ERBB4: variants seen among roughly 807,000 people sequenced by gnomAD.
ERBB4 encodes receptor tyrosine-protein kinase erbB-4.
A neutral mutation model predicts 158.0 loss-of-function variants in ERBB4; 42 were observed. The ratio of observed to expected loss-of-function variants is 0.27; its 90% CI spans 0.21 to 0.34. ERBB4 has a LOEUF of 0.34. ERBB4 is among the 10% of genes least tolerant of loss of function. ERBB4 has a pLI of 1.00. For missense variants in ERBB4, 1,333 were observed against 1,624.1 expected (o/e 0.82, Z 3.08); for synonymous variants, 583 against 558.7 (o/e 1.04, Z -0.61).
At chr2:212,110,958 C>T (rs1411861055) in intron 2 of ERBB4, among the ~76,000 whole-genome samples, 3 of 152,158 alleles carry the variant, frequency 2.0e-5, no homozygotes, top group Non-Finnish European at 4.4e-5. Context: ...TCTGGCCACC[C>T]GCCTACCTGA....
intron 1 of ERBB4, among the ~76,000 whole-genome samples, chr2:212,479,592 ATG>A (rs1358008486): frequency 6.6e-6 from 1 of 152,144 alleles, no homozygotes; most frequent in African/African-American, 2.4e-5. Context: ...CCCTACTTTA[ATG>A]ATTAAAATTT....
At chr2:212,147,814 C>A (rs901829449) in intron 1 of ERBB4, among the ~76,000 whole-genome samples, 1 of 152,160 alleles carries the variant, frequency 6.6e-6, no homozygotes, top group Non-Finnish European at 1.5e-5. Context: ...CGTGAAGAAA[C>A]TGGCTTTCTA....
At chr2:212,006,593 AATT>A (rs147289378) in intron 2 of ERBB4, among the ~76,000 whole-genome samples, 1,669 of 152,154 alleles carry the variant, frequency 0.011, 52 homozygotes, top group East Asian at 0.065. Context: ...CTGAATTTTT[AATT>A]CTAAAACCCA....
chr2:212,049,404 C>T (rs1023261146), intron 2 of ERBB4, among the ~76,000 whole-genome samples: 13 of 151,690 alleles, frequency 8.6e-5, no homozygotes, highest in Admixed American at 6.6e-4. Context: ...ATTATTGTTG[C>T]TATTGGTGTG....
chr2:212,093,435 A>C (rs1333423534), intron 2 of ERBB4, among the ~76,000 whole-genome samples: 2 of 152,226 alleles, frequency 1.3e-5, no homozygotes, highest in East Asian at 3.9e-4. Flanking sequence ...ATGCAAGATG[A>C]ACCTCGAACC....
intron 20 of ERBB4, among the ~76,000 whole-genome samples, chr2:211,543,221 A>G (rs1468468823): frequency 6.6e-6 from 1 of 152,004 alleles, no homozygotes; most frequent in Non-Finnish European, 1.5e-5. Context: ...AAAACAAAAC[A>G]AAAAATAAGG....
chr2:211,667,124 T>C (rs1379629687), intron 14 of ERBB4, among the ~76,000 whole-genome samples: 1 of 151,026 alleles, frequency 6.6e-6, no homozygotes. Context: ...AAAAAACTCA[T>C]AGTGTTTTAA....
intron 1 of ERBB4, among the ~76,000 whole-genome samples, chr2:212,461,547 T>C (rs909877159): frequency 5.3e-5 from 8 of 152,184 alleles, no homozygotes; most frequent in Admixed American, 5.2e-4. Context: ...AACCTGCTTT[T>C]GGTTTCACAT....
chr2:212,245,749 A>C (rs762310483), intron 1 of ERBB4, among the ~76,000 whole-genome samples: 14 of 152,080 alleles, frequency 9.2e-5, no homozygotes, highest in Non-Finnish European at 1.8e-4. Flanking sequence ...TTGTGCTGCC[A>C]ATCTTATAAC....
At chr2:211,415,014 T>G (rs778971850) in intron 25 of ERBB4, among the ~76,000 whole-genome samples, 13 of 151,452 alleles carry the variant, frequency 8.6e-5, no homozygotes, top group Non-Finnish European at 1.8e-4. Context: ...TAGCTGATAT[T>G]ATTATTATTA....
intron 1 of ERBB4, among the ~76,000 whole-genome samples, chr2:212,191,508 CGT>C (rs1439814084): frequency 1.3e-5 from 1 of 74,996 alleles, no homozygotes; most frequent in Admixed American, 1.3e-4. Flanking sequence ...ATATATAACA[CGT>C]GTTATACATG....
intron 3 of ERBB4, among the ~76,000 whole-genome samples, chr2:211,832,152 C>T (rs1261645207): frequency 1.3e-5 from 2 of 152,048 alleles, no homozygotes; most frequent in African/African-American, 4.8e-5. Flanking sequence ...CCTATCATGT[C>T]ACAGCATTCA....
chr2:212,243,686 C>A (rs766795662), intron 1 of ERBB4, among the ~76,000 whole-genome samples: 1 of 151,998 alleles, frequency 6.6e-6, no homozygotes, highest in Non-Finnish European at 1.5e-5. Context: ...AATTTCAGTT[C>A]TGGGGGTCAT....
intron 20 of ERBB4, among the ~76,000 whole-genome samples, chr2:211,472,833 A>G (rs1054624009): frequency 6.6e-6 from 1 of 151,990 alleles, no homozygotes; most frequent in Non-Finnish European, 1.5e-5. Context: ...GCTGAGTCCC[A>G]GCCTCAGAGC....
intron 3 of ERBB4, among the ~76,000 whole-genome samples, chr2:211,850,485 TATG>T (rs2077692051): frequency 6.6e-6 from 1 of 151,900 alleles, no homozygotes; most frequent in African/African-American, 2.4e-5. Flanking sequence ...GGTAATTAGA[TATG>T]ATCTCAGATA....
At chr2:212,123,382 G>A (rs1027914301) in intron 2 of ERBB4, among the ~76,000 whole-genome samples, 1 of 152,112 alleles carries the variant, frequency 6.6e-6, no homozygotes, top group African/African-American at 2.4e-5. Context: ...CAGCCAGGGC[G>A]ACAGAGCAAG....
At chr2:211,398,633 G>A (rs1224673862) in intron 25 of ERBB4, among the ~76,000 whole-genome samples, 2 of 152,060 alleles carry the variant, frequency 1.3e-5, no homozygotes, top group Non-Finnish European at 2.9e-5. Context: ...ACAAGGTCAG[G>A]AGTTCAAGAC....
chr2:212,091,274 C>T (rs145346238), intron 2 of ERBB4, among the ~76,000 whole-genome samples: 53 of 150,828 alleles, frequency 3.5e-4, no homozygotes, highest in Admixed American at 4.0e-4. Flanking sequence ...TTCCAAAATT[C>T]AAGTATAGAT....
rs1478394764 is a variant in ERBB4, at chr2:212,538,495, G to C, written c.36C>G (p.Ser12Arg). 6.2e-7 allele frequency: 1 copy of C among 1,614,092 alleles called. No homozygotes were observed. The highest frequency in any genetic ancestry group is 1.1e-5 in the South Asian group (1 of 91,084). The part of the protein sequence containing the change: ...KPATGLWVWV[S>R]LLVAAGTVQP... ...GGACGGTCCCCGCCGCCACGAGAAG[G>C]CTCACCCAGACCCAAAGTCCTGTCG... Residue 12 changes from serine to arginine, a missense_variant, in exon 1 of 28, where the codon AGC (serine) becomes AGG (arginine). Around this residue, in one of 5 missense-constraint regions of ERBB4, gnomAD observed 438 missense variants for 586.9 expected, o/e 0.75. Transcript: ENST00000342788.
Sources: allele counts gnomAD v4.1 joint callset (sites outside exome capture counted in the v4.1 genomes callset), GRCh38; gene constraint gnomAD v4.1.1; regional missense constraint gnomAD v4.1.1; transcripts MANE v1.5; gene names NCBI Gene and HGNC (gene_info 2026-07-23, HGNC 2026-07-21).